MRC2: variants seen among roughly 807,000 people sequenced by gnomAD.
The protein encoded by MRC2 is mannose receptor C-type 2.
Under a neutral mutation model 206.2 loss-of-function variants are expected in MRC2, and 84 were observed. The ratio of observed to expected loss-of-function variants is 0.41; its 90% confidence interval spans 0.34 to 0.49. The LOEUF (loss-of-function observed/expected upper bound fraction) is 0.49, where lower values mean the gene tolerates loss of function less well. Ranked by LOEUF, MRC2 falls within the 20% of genes least tolerant of loss-of-function variation. MRC2 has a pLI of 0.31. For synonymous variants in MRC2, 798 were observed against 800.0 expected (o/e 1.00, Z 0.04); for missense variants, 1,676 against 2,001.5 (o/e 0.84, Z 3.10).
chr17:62,677,822 C>T (rs1016379638), intron 12 of MRC2, among the ~76,000 whole-genome samples: 5 of 152,094 alleles, frequency 3.3e-5, no homozygotes, highest in South Asian at 2.1e-4. Flanking sequence ...GAGGTCAAGG[C>T]GGGTGGATCA....
chr17:62,628,380 T>A (rs2084187755), intron 1 of MRC2, among the ~76,000 whole-genome samples: 1 of 151,922 alleles, frequency 6.6e-6, no homozygotes, highest in Non-Finnish European at 1.5e-5. Flanking sequence ...TTTCCAACTA[T>A]CCGCGAGGGT....
intron 1 of MRC2, among the ~76,000 whole-genome samples, chr17:62,653,316 C>G (rs2088579749): frequency 6.6e-6 from 1 of 152,082 alleles, no homozygotes; most frequent in African/African-American, 2.4e-5. Flanking sequence ...ATTTGCCTTC[C>G]CAGAGAACCC....
At chr17:62,649,897 AT>A (rs1434484505) in intron 1 of MRC2, among the ~76,000 whole-genome samples, 1 of 135,292 alleles carries the variant, frequency 7.4e-6, no homozygotes, top group Non-Finnish European at 1.6e-5. Flanking sequence ...TTTTTTTTTA[AT>A]TTTTTTTAAA....
At chr17:62,661,538 TTC>T (rs1262089107) in intron 1 of MRC2, 1 of 151,022 alleles carries the variant, frequency 6.6e-6, no homozygotes, top group Admixed American at 6.6e-5. Context: ...CTCTTTCTTT[TTC>T]TTTCTTTCTC....
rs2088884659 is a variant in MRC2 at position 62,675,834 on chromosome 17, C to T, written c.1614C>T (p.Asp538=). The part of the protein sequence containing the change: ...HSPSCYWLGE[D]QVTYSEARRL... ...CATCCTGCTACTGGCTGGGAGAAGA[C>T]CAAGTGACCTACAGTGAGGCCCGGC... The change falls in exon 10 of 30, where the codon GAC becomes GAT. Residue 538 remains aspartate (D), a synonymous_variant. Coordinates refer to ENST00000303375, the MANE Select transcript of MRC2 (RefSeq NM_006039.5). The surrounding 1 kb of genome is among the most constrained non-coding windows in gnomAD (Gnocchi z 4.1). 6.2e-7 allele frequency: 1 copy of T among 1,614,050 alleles called. No individual in the cohort carries two copies. Among genetic ancestry groups the T allele is most frequent in the African/African-American group, 1.3e-5 (1 of 74,942 alleles).
chr17:62,682,423 G>C (rs746530863), intron 20 of MRC2, 46 bp downstream of exon 20: 2 of 1,572,882 alleles, frequency 1.3e-6, no homozygotes, highest in African/African-American at 2.7e-5. Flanking sequence ...GGGAGAGGAC[G>C]TGAACAGGGA....
intron 1 of MRC2, among the ~76,000 whole-genome samples, chr17:62,663,377 T>C (rs1598981461): frequency 6.6e-6 from 1 of 152,296 alleles, no homozygotes; most frequent in East Asian, 1.9e-4. Context: ...ATATATTTAA[T>C]TGGGATTTAG....
In MRC2 at chr17:62,688,390, C is replaced by T; in HGVS notation, c.3048C>T (p.Asn1016=). 1.2e-6 allele frequency: 2 copies of T among 1,614,238 alleles called. No individual in the cohort carries two copies. The change falls in exon 21 of 30, where the codon AAC becomes AAT. Residue 1016 remains asparagine, a synonymous_variant. Coordinates refer to ENST00000303375, the MANE Select transcript of MRC2 (RefSeq NM_006039.5). ...AGGCCCAGCTGGTCACCATCACAAACCCCTTAGAGCAAGGTAGGGCCAGCC... is the reference window on the plus strand; with the variant it reads ...AGGCCCAGCTGGTCACCATCACAAATCCCTTAGAGCAAGGTAGGGCCAGCC... ...QQEAQLVTIT[N]PLEQAFITAS...
chr17:62,674,701 A>AG (rs543834243), intron 9 of MRC2, among the ~76,000 whole-genome samples: 4,876 of 119,704 alleles, frequency 0.041, 169 homozygotes, highest in African/African-American at 0.14. Flanking sequence ...AGGGAGGTTG[A>AG]GGGGGGGGGT....
At chr17:62,630,717 G>C (rs1487615061) in intron 1 of MRC2, among the ~76,000 whole-genome samples, 2 of 152,142 alleles carry the variant, frequency 1.3e-5, no homozygotes, top group Non-Finnish European at 2.9e-5. Context: ...CAAGGCCATG[G>C]GGTGAGGAGA....
chr17:62,677,422 C>G lies in MRC2; in HGVS notation c.1988C>G (p.Pro663Arg). The G allele has an allele frequency of 2.5e-6, 4 of 1,611,954 alleles. No homozygotes were observed. Among genetic ancestry groups the G allele is most frequent in the Non-Finnish European group, 3.4e-6 (4 of 1,179,540 alleles). The change falls in exon 12 of 30, where the codon CCC becomes CGC. Residue 663 changes from proline to arginine, a missense_variant. Around this residue, in one of 3 missense-constraint regions of MRC2, gnomAD observed 1,354 missense variants for 1,636.6 expected, o/e 0.83. Coordinates refer to ENST00000303375, the MANE Select transcript of MRC2 (RefSeq NM_006039.5). ...GAGCTGCCGGGGCCAGATCCCACGC[C>G]CAGCCTCACTGGCTCCTGTCCCCAG... The part of the protein sequence containing the change: ...TPELPGPDPT[P>R]SLTGSCPQGW...
At position 62,667,674 on chromosome 17, in the gene MRC2, T is replaced by C; in HGVS notation, c.1117+141T>C. ...CTGGATCCTCTGACTCTTATTTCAT[T>C]GTTCAGTTAAAGTCTGAGCAAATTG... On this transcript the variant is annotated intron_variant, in intron 6 of 29. Coordinates refer to ENST00000303375, the MANE Select transcript of MRC2 (RefSeq NM_006039.5). The surrounding 1 kb of genome is among the most constrained non-coding windows in gnomAD (Gnocchi z 4.1). The C allele has an allele frequency of 2.1e-6, 2 of 950,558 alleles. No individual in the cohort carries two copies. Among genetic ancestry groups the C allele is most frequent in the East Asian group, 3.1e-5 (1 of 31,888 alleles). 58.9% of individuals were successfully genotyped at this position (950,558 alleles called of 1,614,324 possible). A position where few individuals can be genotyped will look rare whatever the true frequency, so the allele number is the denominator to read the frequency against.
intron 23 of MRC2, 29 bp from the exon 24 acceptor site, chr17:62,689,493 C>T (rs1250267642): frequency 1.3e-5 from 18 of 1,436,526 alleles, no homozygotes; most frequent in Non-Finnish European, 1.6e-5. Flanking sequence ...AAGCAGAGCC[C>T]AGCCTGAACC....
intron 25 of MRC2, 27 bp from the exon 26 acceptor site, chr17:62,690,129 C>T (rs1381065051): frequency 6.3e-7 from 1 of 1,587,976 alleles, no homozygotes; most frequent in South Asian, 1.1e-5. Context: ...GGGTGCTGAG[C>T]CACTTCTTAA....
intron 28 of MRC2, among the ~76,000 whole-genome samples, chr17:62,691,456 C>T (rs1256068160): frequency 1.3e-5 from 2 of 152,130 alleles, no homozygotes; most frequent in Admixed American, 1.3e-4. Context: ...CCTCAGTTTC[C>T]TCGTATGTAA....
At chr17:62,638,145 G>A (rs1023856934) in intron 1 of MRC2, among the ~76,000 whole-genome samples, 1 of 152,192 alleles carries the variant, frequency 6.6e-6, no homozygotes, top group African/African-American at 2.4e-5. Flanking sequence ...TTACAGGCGT[G>A]AGCAACTATG....
intron 13 of MRC2, 70 bp downstream of exon 13, chr17:62,678,716 C>G: frequency 6.4e-7 from 1 of 1,567,166 alleles, no homozygotes; most frequent in South Asian, 1.2e-5. Flanking sequence ...GGCCGACAGA[C>G]CCTTGGTTTT....
At chr17:62,654,417 C>T (rs2088593659) in intron 1 of MRC2, among the ~76,000 whole-genome samples, 1 of 151,924 alleles carries the variant, frequency 6.6e-6, no homozygotes, top group Non-Finnish European at 1.5e-5. Context: ...ATGTGACATG[C>T]CTCTCATTCA....
At chr17:62,653,253 G>T (rs2088578986) in intron 1 of MRC2, among the ~76,000 whole-genome samples, 1 of 152,166 alleles carries the variant, frequency 6.6e-6, no homozygotes, top group Non-Finnish European at 1.5e-5. Context: ...AGCCAGCAGG[G>T]GATGAGATCA....
Sources: allele counts gnomAD v4.1 joint callset (sites outside exome capture counted in the v4.1 genomes callset), GRCh38; gene constraint gnomAD v4.1.1; regional missense constraint gnomAD v4.1.1; non-coding constraint Gnocchi (gnomAD v3.1); transcripts MANE v1.5; gene names NCBI Gene and HGNC (gene_info 2026-07-23, HGNC 2026-07-21).